CSMD1: variants seen among roughly 807,000 people sequenced by gnomAD.
CSMD1 encodes the protein CUB and sushi domain-containing protein 1.
A neutral mutation model predicts 417.5 loss-of-function variants in CSMD1; 213 were observed. The observed-to-expected ratio is 0.51, with a 90% CI of 0.46 to 0.57. The LOEUF (loss-of-function observed/expected upper bound fraction) is 0.57. Among genes scored for constraint, CSMD1 ranks in the 20% least tolerant of loss-of-function variants. The probability of loss-of-function intolerance (pLI) is 0.00; values close to 1 mark genes in which losing one functional copy is unlikely to be tolerated. For synonymous variants in CSMD1, 2,862 were observed against 1,736.8 expected, an observed-to-expected ratio of 1.65 and a Z score of -16.11; for missense variants, 6,923 against 4,529.7, an observed-to-expected ratio of 1.53 and a Z score of -15.17.
At chr8:4,286,974 G>A (rs1797094985) in intron 3 of CSMD1, among the ~76,000 whole-genome samples, 1 of 152,102 alleles carries the variant, frequency 6.6e-6, no homozygotes, top group Admixed American at 6.5e-5. Context: ...GAAGGAGGCT[G>A]ACATCCACGC....
intron 7 of CSMD1, among the ~76,000 whole-genome samples, chr8:3,690,947 C>T (rs1398343664): frequency 1.3e-5 from 2 of 152,010 alleles, no homozygotes; most frequent in Non-Finnish European, 2.9e-5. Context: ...TAAAAGTCGG[C>T]CCCATGATTT....
At chr8:3,957,890 AT>A (rs1333754644) in intron 5 of CSMD1, among the ~76,000 whole-genome samples, 1 of 152,208 alleles carries the variant, frequency 6.6e-6, no homozygotes, top group African/African-American at 2.4e-5. Flanking sequence ...CTATCGCTGT[AT>A]AATAATCTCC....
At chr8:4,129,087 A>C (rs1366035330) in intron 3 of CSMD1, among the ~76,000 whole-genome samples, 44 of 151,206 alleles carry the variant, frequency 2.9e-4, no homozygotes, top group South Asian at 1.3e-3. Flanking sequence ...AAAAAAAAAA[A>C]AAAAACAAAA....
chr8:3,309,768 C>T (rs1156979323), intron 23 of CSMD1, among the ~76,000 whole-genome samples: 1 of 152,156 alleles, frequency 6.6e-6, no homozygotes, highest in Non-Finnish European at 1.5e-5. Context: ...AATGTGAAGT[C>T]TGAGATGCCC....
intron 4 of CSMD1, among the ~76,000 whole-genome samples, chr8:4,014,321 T>C (rs1037699119): frequency 1.3e-5 from 2 of 152,140 alleles, no homozygotes; most frequent in African/African-American, 4.8e-5. Context: ...GAAACATTCA[T>C]CACATTCAAT....
intron 3 of CSMD1, among the ~76,000 whole-genome samples, chr8:4,282,832 T>C (rs1293677079): frequency 1.3e-5 from 2 of 152,168 alleles, no homozygotes; most frequent in Non-Finnish European, 1.5e-5. Flanking sequence ...TCAACAAGCA[T>C]CATTCAGAAT....
chr8:3,123,263 G>A (rs932448207), intron 41 of CSMD1, among the ~76,000 whole-genome samples: 2 of 152,102 alleles, frequency 1.3e-5, no homozygotes, highest in South Asian at 2.1e-4. Flanking sequence ...TGCATAGCAA[G>A]GCCACCGCTG....
chr8:3,951,744 C>T (rs1485634086), intron 5 of CSMD1, among the ~76,000 whole-genome samples: 1 of 151,920 alleles, frequency 6.6e-6, no homozygotes, highest in Non-Finnish European at 1.5e-5. Context: ...GGCATTAAAA[C>T]GTAATAGATG....
chr8:4,618,388 G>A (rs985681261), intron 2 of CSMD1, among the ~76,000 whole-genome samples: 12 of 152,120 alleles, frequency 7.9e-5, no homozygotes, highest in African/African-American at 2.2e-4. Context: ...TTACTTTGCA[G>A]AAATATTTCT....
intron 2 of CSMD1, among the ~76,000 whole-genome samples, chr8:4,491,042 G>C (rs1801672102): frequency 6.6e-6 from 1 of 152,126 alleles, no homozygotes; most frequent in Non-Finnish European, 1.5e-5. Flanking sequence ...ATGGTACCTG[G>C]CTGTGGTGAG....
At chr8:4,549,037 A>G (rs757505674) in intron 2 of CSMD1, among the ~76,000 whole-genome samples, 3 of 152,020 alleles carry the variant, frequency 2.0e-5, no homozygotes, top group Non-Finnish European at 4.4e-5. Context: ...TATTTTGTTG[A>G]CTTTTCACAT....
chr8:3,579,335 C>A (rs902902833), intron 9 of CSMD1, among the ~76,000 whole-genome samples: 8 of 124,522 alleles, frequency 6.4e-5, no homozygotes, highest in Admixed American at 6.0e-4. Flanking sequence ...ATTTATCTTA[C>A]TTAATAAAAG....
intron 1 of CSMD1, among the ~76,000 whole-genome samples, chr8:4,819,688 G>C (rs1799410376): frequency 6.6e-6 from 1 of 152,052 alleles, no homozygotes; most frequent in South Asian, 2.1e-4. Context: ...TGTAAATTCT[G>C]TCCCAGTGTT....
intron 67 of CSMD1, among the ~76,000 whole-genome samples, chr8:2,950,022 G>C (rs1802515943): frequency 6.6e-6 from 1 of 152,114 alleles, no homozygotes; most frequent in African/African-American, 2.4e-5. Context: ...AGGATGGCCA[G>C]TTCATTGCTT....
At chr8:3,261,852 C>G in intron 26 of CSMD1, among the ~76,000 whole-genome samples, 1 of 152,098 alleles carries the variant, frequency 6.6e-6, no homozygotes, top group Non-Finnish European at 1.5e-5. Context: ...CGAAGGCATG[C>G]GGGCCGAGGT....
intron 2 of CSMD1, among the ~76,000 whole-genome samples, chr8:4,503,574 A>G (rs536135755): frequency 1.3e-5 from 2 of 152,316 alleles, no homozygotes; most frequent in East Asian, 3.9e-4. Context: ...TATATGATAA[A>G]CATATAAAAA....
Position 4,100,044 on chromosome 8 carries a change from C to T in CSMD1, c.416-67945G>A, listed in dbSNP as rs942281612. On this transcript the variant is annotated intron_variant, in intron 3 of 69. Transcript: ENST00000635120. ...TCCAGAAGAAGATATAATGTAATAA[C>T]GTGAGCATGCACTTTAGAATCCAAG... Among the ~76,000 whole-genome samples, 7 of 152,232 alleles carry T rather than the reference C, an allele frequency of 4.6e-5. No homozygotes were observed. In the East Asian group the frequency reaches 7.7e-4, roughly 17 times the overall value.
At chr8:4,135,079 G>GA (rs932683992) in intron 3 of CSMD1, among the ~76,000 whole-genome samples, 274 of 151,818 alleles carry the variant, frequency 1.8e-3, no homozygotes, top group African/African-American at 5.8e-3. Context: ...CACATAGAAT[G>GA]AAAAAAAATT....
intron 3 of CSMD1, among the ~76,000 whole-genome samples, chr8:4,354,544 G>A (rs1391233368): frequency 2.0e-5 from 3 of 152,108 alleles, no homozygotes; most frequent in African/African-American, 7.2e-5. Context: ...AAAGCTGGTG[G>A]CTGCATTAGC....
Sources: allele counts gnomAD v4.1 joint callset (sites outside exome capture counted in the v4.1 genomes callset), GRCh38; gene constraint gnomAD v4.1.1; transcripts MANE v1.5; gene names NCBI Gene and HGNC (gene_info 2026-07-23, HGNC 2026-07-21).